SEMA6D: variants seen among roughly 807,000 people sequenced by gnomAD.
SEMA6D encodes semaphorin 6D.
Under a neutral mutation model 106.6 loss-of-function variants are expected in SEMA6D, and 35 were observed. That is an observed-to-expected ratio of 0.33 (90% CI 0.25 to 0.44). The LOEUF is 0.44. Among genes scored for constraint, SEMA6D ranks in the 20% least tolerant of loss-of-function variants. The pLI, the probability that SEMA6D is intolerant of heterozygous loss-of-function variation, is 1.00. For missense variants in SEMA6D, 1,185 were observed against 1,345.9 expected, an observed-to-expected ratio of 0.88 and a Z score of 1.87; for synonymous variants, 499 against 487.7, an observed-to-expected ratio of 1.02 and a Z score of -0.31.
At chr15:47,248,598 T>G (rs1399927554) in intron 1 of SEMA6D, among the ~76,000 whole-genome samples, 2 of 152,230 alleles carry the variant, frequency 1.3e-5, no homozygotes, top group African/African-American at 4.8e-5. Context: ...AGAGAGATAT[T>G]AATTCTAAAT....
At chr15:47,760,515 T>C (rs2082002128) in intron 3 of SEMA6D, 100 bp downstream of exon 3, 1 of 900,000 alleles carries the variant, frequency 1.1e-6, no homozygotes, top group African/African-American at 1.7e-5. Flanking sequence ...GTGATTGTGA[T>C]CAAAAATTGC....
intron 1 of SEMA6D, among the ~76,000 whole-genome samples, chr15:47,324,728 A>G (rs2037056809): frequency 6.6e-6 from 1 of 151,116 alleles, no homozygotes; most frequent in East Asian, 1.9e-4. Context: ...ATATATATGC[A>G]TATGAATGTG....
chr15:47,740,447 G>T (rs948098691), intron 1 of SEMA6D, among the ~76,000 whole-genome samples: 2 of 152,126 alleles, frequency 1.3e-5, no homozygotes, highest in African/African-American at 4.8e-5. Flanking sequence ...TTGAACCCGG[G>T]AGGTGGAGGC....
In SEMA6D at chr15:47,763,842, T is replaced by C. The variant is rs199585533; in HGVS notation, c.748-8T>C. ...AACCCCATTGCTTTGCTTCTATCCG[T>C]TGGGCAGGCTGTGTATTCCCGCGTG... On this transcript the variant is annotated splice_region_variant and splice_polypyrimidine_tract_variant and intron_variant, in intron 9 of 18. Coordinates refer to ENST00000536845, the MANE Select transcript of SEMA6D (RefSeq NM_001358351.3). 6.2e-7 allele frequency: 1 copy of C among 1,611,986 alleles called. No homozygotes were observed. The highest frequency in any genetic ancestry group is 2.2e-5 in the East Asian group (1 of 44,874).
intron 1 of SEMA6D, among the ~76,000 whole-genome samples, chr15:47,403,892 A>G (rs567568906): frequency 6.6e-6 from 1 of 152,260 alleles, no homozygotes; most frequent in South Asian, 2.1e-4. Flanking sequence ...TATATACAGG[A>G]TGGACTGACA....
intron 1 of SEMA6D, among the ~76,000 whole-genome samples, chr15:47,350,875 C>T (rs1479697235): frequency 6.6e-6 from 1 of 152,094 alleles, no homozygotes; most frequent in Non-Finnish European, 1.5e-5. Flanking sequence ...GTTTTCTGTG[C>T]CTGTTCAGAG....
chr15:47,204,753 A>C (rs1480420711), intron 1 of SEMA6D, among the ~76,000 whole-genome samples: 1 of 152,188 alleles, frequency 6.6e-6, no homozygotes, highest in Non-Finnish European at 1.5e-5. Flanking sequence ...AATTAAATGA[A>C]ATAATATATG....
chr15:47,765,751 A>G, intron 13 of SEMA6D, 118 bp from the exon 14 acceptor site: 4 of 941,922 alleles, frequency 4.2e-6, no homozygotes, highest in Non-Finnish European at 5.9e-6. Context: ...CAAGCTATGT[A>G]CTTGCCTGGT....
At chr15:47,554,578 C>T (rs1474020253) in intron 3 of SEMA6D, among the ~76,000 whole-genome samples, 1 of 152,124 alleles carries the variant, frequency 6.6e-6, no homozygotes, top group Non-Finnish European at 1.5e-5. Context: ...CCCAAGAGAG[C>T]ACCTTTATAT....
At chr15:47,682,362 T>A (rs200023251) in intron 4 of SEMA6D, among the ~76,000 whole-genome samples, 163 of 152,164 alleles carry the variant, frequency 1.1e-3, no homozygotes, top group Admixed American at 0.01. Flanking sequence ...AGAGACGGGG[T>A]TTCACCATGT....
chr15:47,248,172 A>G (rs986626810), intron 1 of SEMA6D, among the ~76,000 whole-genome samples: 2 of 152,212 alleles, frequency 1.3e-5, no homozygotes, highest in African/African-American at 4.8e-5. Context: ...AATGAAAATC[A>G]GAGACAATTC....
intron 1 of SEMA6D, among the ~76,000 whole-genome samples, chr15:47,233,696 T>C (rs775583311): frequency 5.9e-5 from 9 of 152,178 alleles, no homozygotes; most frequent in Non-Finnish European, 4.4e-5. Context: ...GGGATCGTTT[T>C]CTTAATTTTC....
chr15:47,570,156 C>T (rs1489078176), intron 3 of SEMA6D, among the ~76,000 whole-genome samples: 1 of 151,998 alleles, frequency 6.6e-6, no homozygotes, highest in Non-Finnish European at 1.5e-5. Context: ...TTATTAAAAT[C>T]AAAAAATTTC....
chr15:47,267,018 CA>C (rs907985184), intron 1 of SEMA6D, among the ~76,000 whole-genome samples: 3 of 152,148 alleles, frequency 2.0e-5, no homozygotes, highest in African/African-American at 7.2e-5. Flanking sequence ...CATGCCAAAG[CA>C]GAAACATCTC....
intron 4 of SEMA6D, among the ~76,000 whole-genome samples, chr15:47,646,171 C>T (rs935790017): frequency 2.6e-5 from 4 of 152,146 alleles, no homozygotes; most frequent in African/African-American, 7.2e-5. Flanking sequence ...AACCTTGCCT[C>T]AGTCTTTCTG....
At chr15:47,747,416 A>C (rs1166585803) in intron 1 of SEMA6D, among the ~76,000 whole-genome samples, 2 of 152,172 alleles carry the variant, frequency 1.3e-5, no homozygotes, top group African/African-American at 4.8e-5. Context: ...TGAATTATTA[A>C]TATGTAACCA....
intron 3 of SEMA6D, among the ~76,000 whole-genome samples, chr15:47,520,155 CA>C (rs1391137351): frequency 6.6e-6 from 1 of 152,200 alleles, no homozygotes; most frequent in Non-Finnish European, 1.5e-5. Flanking sequence ...GATATTCTCA[CA>C]AGTCCAGATA....
chr15:47,770,372 A>T, intron 18 of SEMA6D, 125 bp from the exon 19 acceptor site: 1 of 721,690 alleles, frequency 1.4e-6, no homozygotes. Flanking sequence ...TTTGGAGTCT[A>T]CTTGACCCTC....
intron 1 of SEMA6D, among the ~76,000 whole-genome samples, chr15:47,724,739 T>G (rs757116626): frequency 3.9e-5 from 6 of 152,202 alleles, no homozygotes; most frequent in African/African-American, 9.7e-5. Context: ...TGCCATGCAA[T>G]CCACAAATAT....
Sources: gnomAD v4.1 joint callset for allele counts (sites outside exome capture counted in the v4.1 genomes callset) on GRCh38, gnomAD v4.1.1 for gene constraint, MANE v1.5 for transcripts, NCBI Gene and HGNC (gene_info 2026-07-23, HGNC 2026-07-21) for gene names.